Variants in IL1RAPL1 observed in about 807,000 individuals in gnomAD.
The protein encoded by IL1RAPL1 is interleukin-1 receptor accessory protein-like 1.
In IL1RAPL1, 3 loss-of-function variants were observed where a neutral mutation model predicts 48.4. The ratio of observed to expected loss-of-function variants is 0.06; its 90% CI spans 0.03 to 0.16. The LOEUF is 0.16. Among genes scored for constraint, IL1RAPL1 ranks in the 10% least tolerant of loss-of-function variants. The pLI is 1.00. For synonymous variants in IL1RAPL1, 185 were observed against 187.7 expected (o/e 0.99, Z 0.12); for missense variants, 349 against 530.6 (o/e 0.66, Z 3.36).
At position 29,343,703 on chromosome X, in the gene IL1RAPL1, A is replaced by T. The variant is rs1317837234; in HGVS notation, c.363-52555A>T. On this transcript the variant is annotated intron_variant, in intron 3 of 10. Coordinates refer to ENST00000378993, the MANE Select transcript of IL1RAPL1 (RefSeq NM_014271.4). ...CCATAAAGTGCGAGTCAACTTGATG[A>T]TATTCTATGAGAAAAGATTGATTTG... Among the ~76,000 whole-genome samples, 5 of 101,415 alleles carry T rather than the reference A, an allele frequency of 4.9e-5. No individual in the cohort carries two copies. The South Asian group carries it at 1.3e-3, about 26-fold the overall frequency. The allele number at this position is 101,415 out of a possible 115,157, so 88.1% of individuals were successfully genotyped here. A position where few individuals can be genotyped will look rare whatever the true frequency, so the allele number is the denominator to read the frequency against.
At chrX:28,782,100 A>G (rs1225457549) in intron 1 of IL1RAPL1, among the ~76,000 whole-genome samples, 1 of 110,688 alleles carries the variant, frequency 9.0e-6, no homozygotes, top group Non-Finnish European at 1.9e-5. Context: ...TTACCTATTC[A>G]CTTGATTTGT....
At chrX:28,810,529 G>A (rs955417136) in intron 2 of IL1RAPL1, among the ~76,000 whole-genome samples, 2 of 110,938 alleles carry the variant, frequency 1.8e-5, no homozygotes, top group African/African-American at 6.5e-5. Context: ...TCACAGAAAA[G>A]CATAGAATGG....
intron 6 of IL1RAPL1, among the ~76,000 whole-genome samples, chrX:29,803,443 GTA>G (rs1205222795): frequency 4.3e-5 from 4 of 93,079 alleles, no homozygotes; most frequent in East Asian, 6.8e-4. Context: ...ATACATCTAT[GTA>G]TATATGTGTG....
chrX:29,866,247 A>C (rs1931693934), intron 6 of IL1RAPL1, among the ~76,000 whole-genome samples: 1 of 111,641 alleles, frequency 9.0e-6, no homozygotes, highest in Non-Finnish European at 1.9e-5. Context: ...ACAAACATTT[A>C]ATGAATGTCC....
intron 5 of IL1RAPL1, among the ~76,000 whole-genome samples, chrX:29,523,657 A>G (rs983422884): frequency 3.6e-5 from 4 of 111,345 alleles, no homozygotes; most frequent in African/African-American, 1.3e-4. Context: ...GAAAAATATC[A>G]AATTGCAGCA....
chrX:28,894,881 A>G (rs1257765116), intron 2 of IL1RAPL1, among the ~76,000 whole-genome samples: 1 of 110,879 alleles, frequency 9.0e-6, no homozygotes, highest in African/African-American at 3.3e-5. Flanking sequence ...GGACACGATC[A>G]GCAGGGAGAG....
chrX:29,112,994 G>T (rs1186403554), intron 2 of IL1RAPL1, among the ~76,000 whole-genome samples: 2 of 109,794 alleles, frequency 1.8e-5, no homozygotes, highest in African/African-American at 3.3e-5. Flanking sequence ...TGTATTTTTA[G>T]TAGAGACGGG....
At chrX:29,659,728 G>A (rs750016499) in intron 5 of IL1RAPL1, among the ~76,000 whole-genome samples, 8 of 111,484 alleles carry the variant, frequency 7.2e-5, no homozygotes, top group Non-Finnish European at 1.5e-4. Context: ...GGGTTCAAGC[G>A]ATTCTCCTAC....
chrX:29,565,050 G>A (rs372148956), intron 5 of IL1RAPL1, among the ~76,000 whole-genome samples: 4 of 111,464 alleles, frequency 3.6e-5, no homozygotes, highest in East Asian at 5.6e-4. Flanking sequence ...GCCTTCTCTC[G>A]TCTGTAACCT....
intron 6 of IL1RAPL1, among the ~76,000 whole-genome samples, chrX:29,802,984 TGTAC>T (rs1383810325): frequency 6.2e-3 from 418 of 67,142 alleles, no homozygotes; most frequent in Non-Finnish European, 6.9e-3. Context: ...TACATACATG[TGTAC>T]ATATATATGT....
intron 6 of IL1RAPL1, among the ~76,000 whole-genome samples, chrX:29,786,254 CACAATGTCAAGTAA>C (rs1489419738): frequency 9.0e-6 from 1 of 111,330 alleles, no homozygotes; most frequent in African/African-American, 3.3e-5. Context: ...ACATACAGTA[CACAATGTCAAGTAA>C]ACATGATGAA....
intron 2 of IL1RAPL1, among the ~76,000 whole-genome samples, chrX:29,094,703 G>A (rs1258586486): frequency 3.1e-5 from 3 of 95,343 alleles, no homozygotes; most frequent in Non-Finnish European, 2.1e-5. Context: ...CCCAGGAGGC[G>A]GAGGTTGCAG....
chrX:28,837,761 C>T (rs1466706681), intron 2 of IL1RAPL1, among the ~76,000 whole-genome samples: 1 of 98,017 alleles, frequency 1.0e-5, no homozygotes, highest in Non-Finnish European at 2.0e-5. Context: ...AAGCCCACCA[C>T]GGTCCCATCT....
chrX:29,837,280 T>C (rs868831394), intron 6 of IL1RAPL1, among the ~76,000 whole-genome samples: 5 of 65,003 alleles, frequency 7.7e-5, no homozygotes, highest in African/African-American at 3.7e-4. Flanking sequence ...AAAATATATA[T>C]ATATATATAT....
intron 2 of IL1RAPL1, among the ~76,000 whole-genome samples, chrX:29,191,811 G>A (rs1194557436): frequency 3.6e-5 from 4 of 111,396 alleles, no homozygotes; most frequent in African/African-American, 1.3e-4. Context: ...TACAGTCTCC[G>A]CCCTCATCCC....
intron 1 of IL1RAPL1, among the ~76,000 whole-genome samples, chrX:28,642,980 C>A (rs2146899612): frequency 9.0e-6 from 1 of 110,614 alleles, no homozygotes; most frequent in South Asian, 3.9e-4. Flanking sequence ...CCTCCATCTC[C>A]CAGGTTCAAG....
intron 2 of IL1RAPL1, among the ~76,000 whole-genome samples, chrX:29,234,275 TA>T (rs1399464167): frequency 1.4e-5 from 1 of 72,423 alleles, no homozygotes; most frequent in African/African-American, 2.0e-4. Flanking sequence ...AATTTGTGGT[TA>T]TTTGTTATGC....
chrX:29,837,321 A>G (rs1206276994), intron 6 of IL1RAPL1, among the ~76,000 whole-genome samples: 1 of 99,945 alleles, frequency 1.0e-5, no homozygotes, highest in Non-Finnish European at 2.0e-5. Context: ...ACACACACAC[A>G]TATATAGACG....
rs1216984010 is a variant in IL1RAPL1, at chrX:29,280,913, G to A, written c.83-2025G>A. 4.5e-5 allele frequency among the ~76,000 whole-genome samples: 5 copies of A among 112,312 alleles called. No homozygotes were observed. In the East Asian group the frequency reaches 1.4e-3, roughly 32 times the overall value. ...TGGTTGGCGAAAAATGTTCCAGGCA[G>A]AGGGAAGAGCAAGTTCAAATGCCTC... is the stretch of plus-strand genomic sequence containing the variant. On this transcript the variant is annotated intron_variant, in intron 2 of 10. Transcript: ENST00000378993.
Sources: allele counts gnomAD v4.1 joint callset (sites outside exome capture counted in the v4.1 genomes callset), GRCh38; gene constraint gnomAD v4.1.1; transcripts MANE v1.5; gene names NCBI Gene and HGNC (gene_info 2026-07-23, HGNC 2026-07-21).